RHOA: variants seen among roughly 807,000 people sequenced by gnomAD.
RHOA encodes the protein ras homolog family member A.
RHOA carries 3 observed loss-of-function variants against 17.5 expected under a neutral mutation model. The ratio of observed to expected loss-of-function variants is 0.17; its 90% CI spans 0.08 to 0.44. RHOA has a LOEUF of 0.44. Among genes scored for constraint, RHOA ranks in the 20% least tolerant of loss-of-function variants. The pLI is 0.99. For missense variants in RHOA, 56 were observed against 242.3 expected (o/e 0.23, Z 5.10); for synonymous variants, 98 against 88.4 (o/e 1.11, Z -0.61).
intron 1 of RHOA, among the ~76,000 whole-genome samples, chr3:49,398,203 T>C (rs2048651446): frequency 1.3e-5 from 2 of 151,436 alleles, no homozygotes; most frequent in South Asian, 4.2e-4. Context: ...TCTACTAAAG[T>C]AGCCAAGTGT....
chr3:49,393,655 C>T (rs2048552068), intron 1 of RHOA, among the ~76,000 whole-genome samples: 1 of 4,614 alleles, frequency 2.2e-4, no homozygotes, highest in Non-Finnish European at 4.9e-3. Flanking sequence ...GACCACAGGT[C>T]CCTTGTCTCA....
intron 1 of RHOA, among the ~76,000 whole-genome samples, chr3:49,386,062 C>T (rs1411388454): frequency 6.6e-6 from 1 of 151,996 alleles, no homozygotes; most frequent in Non-Finnish European, 1.5e-5. Context: ...TTCTGGGTCC[C>T]CTGAATTTTG....
chr3:49,376,138 G>T (rs1442987224), intron 1 of RHOA, among the ~76,000 whole-genome samples: 1 of 152,002 alleles, frequency 6.6e-6, no homozygotes. Flanking sequence ...ACCACGCCTG[G>T]CCTGTTCTTG....
chr3:49,362,634 A>C lies in RHOA; in HGVS notation c.278-8T>G. On this transcript the variant is annotated splice_region_variant and splice_polypyrimidine_tract_variant and intron_variant, in intron 3 of 4. Transcript: ENST00000418115. ...ACTTTTCTGGGATGTTTTCTGAAAG[A>C]AAAATGTAGAGAATTTGGGGATACA... is the stretch of plus-strand genomic sequence containing the variant. 1 of 1,606,896 alleles carries C rather than the reference A, an allele frequency of 6.2e-7. No homozygotes were observed. The highest frequency in any genetic ancestry group is 8.5e-7 in the Non-Finnish European group (1 of 1,176,434).
intron 2 of RHOA, among the ~76,000 whole-genome samples, chr3:49,372,367 C>T (rs777489178): frequency 6.6e-6 from 1 of 152,124 alleles, no homozygotes. Flanking sequence ...TCCATCTATA[C>T]TTGGGCCAGA....
intron 1 of RHOA, among the ~76,000 whole-genome samples, chr3:49,408,397 A>G (rs2048876193): frequency 1.3e-5 from 2 of 152,244 alleles, no homozygotes; most frequent in Non-Finnish European, 2.9e-5. Context: ...ATTGCAATTT[A>G]GCAAGAGTAT....
chr3:49,393,670 C>CTGTG (rs2048553811), intron 1 of RHOA, among the ~76,000 whole-genome samples: 12 of 97,240 alleles, frequency 1.2e-4, no homozygotes, highest in Non-Finnish European at 2.0e-4. Context: ...GTCTCAAATT[C>CTGTG]TCTCTCTGTG....
At chr3:49,383,147 C>T (rs2048343927) in intron 1 of RHOA, among the ~76,000 whole-genome samples, 2 of 152,088 alleles carry the variant, frequency 1.3e-5, no homozygotes, top group African/African-American at 4.8e-5. Flanking sequence ...GAAATAATCT[C>T]TTTCGGCCAG....
In RHOA at chr3:49,360,154, T is replaced by A; in HGVS notation, c.*55A>T. On this transcript the variant is annotated 3_prime_UTR_variant, in exon 5 of 5. Coordinates refer to ENST00000418115, the MANE Select transcript of RHOA (RefSeq NM_001664.4). Reference sequence around the variant, plus strand: ...AAAGGCCAGTAATCATACACTAAGATTAATAAACAGCACTTCAAAATTAAC... The same window carrying A: ...AAAGGCCAGTAATCATACACTAAGAATAATAAACAGCACTTCAAAATTAAC... The A allele has an allele frequency of 2.0e-6, 3 of 1,526,222 alleles. No homozygotes were observed. The highest frequency in any genetic ancestry group is 2.7e-6 in the Non-Finnish European group (3 of 1,125,976). 94.5% of individuals were successfully genotyped at this position (1,526,222 alleles called of 1,614,324 possible).
intron 1 of RHOA, among the ~76,000 whole-genome samples, chr3:49,382,427 G>C (rs1307002719): frequency 2.0e-5 from 3 of 152,056 alleles, no homozygotes; most frequent in Non-Finnish European, 4.4e-5. Flanking sequence ...TTGAGCCTAA[G>C]AGTTGGAGAC....
intron 1 of RHOA, among the ~76,000 whole-genome samples, chr3:49,384,388 G>A (rs750596242): frequency 1.7e-4 from 26 of 152,146 alleles, no homozygotes; most frequent in Non-Finnish European, 3.8e-4. Context: ...CATTTTCCAG[G>A]CTAGGTTTAG....
At chr3:49,403,389 T>C (rs2048759992) in intron 1 of RHOA, among the ~76,000 whole-genome samples, 1 of 152,036 alleles carries the variant, frequency 6.6e-6, no homozygotes, top group African/African-American at 2.4e-5. Flanking sequence ...CTCGACTGAG[T>C]GGCAATTACT....
chr3:49,393,670 CTCTCTCTG>C (rs1553634981), intron 1 of RHOA, among the ~76,000 whole-genome samples: 8,171 of 97,104 alleles, frequency 0.084, 575 homozygotes, highest in Middle Eastern at 0.14. Flanking sequence ...GTCTCAAATT[CTCTCTCTG>C]TGTGTGTGTG....
At chr3:49,393,149 C>A (rs189669069) in intron 1 of RHOA, among the ~76,000 whole-genome samples, 2 of 152,196 alleles carry the variant, frequency 1.3e-5, no homozygotes, top group Admixed American at 1.3e-4. Context: ...CCAGCCTCGG[C>A]AACAGAGCAA....
Position 49,411,811 on chromosome 3 carries a change from TC to T in RHOA, c.-3+8del, listed in dbSNP as rs899189355. ...CCCCGCGGCGCCTGGAGGGAACCCT[TC>T]CGCTCACCTCAGGCAACGAATCCGA... On this transcript the variant is annotated splice_region_variant and intron_variant, in intron 1 of 4. Transcript: ENST00000418115. 14 of 151,852 alleles carry T rather than the reference TC, an allele frequency of 9.2e-5. No homozygotes were observed. The highest frequency in any genetic ancestry group is 2.9e-5 in the Non-Finnish European group (2 of 67,920). The allele number at this position is 151,852 out of a possible 1,614,324, so 9.4% of individuals were successfully genotyped here. A position where few individuals can be genotyped will look rare whatever the true frequency, so the allele number is the denominator to read the frequency against.
intron 4 of RHOA, chr3:49,360,899 C>G: frequency 3.0e-6 from 1 of 338,500 alleles, no homozygotes; most frequent in Non-Finnish European, 5.9e-6. Context: ...CATGGTGAAA[C>G]CCCTCTTTAC....
intron 1 of RHOA, among the ~76,000 whole-genome samples, chr3:49,386,287 T>C (rs2048393652): frequency 6.6e-6 from 1 of 152,158 alleles, no homozygotes; most frequent in African/African-American, 2.4e-5. Flanking sequence ...TCCTTATACT[T>C]AGAACCACAG....
chr3:49,368,458 A>C lies in RHOA; in HGVS notation c.247T>G (p.Cys83Gly). Residue 83 changes from cysteine (C) to glycine (G), a missense_variant, in exon 3 of 5, where the codon TGT (cysteine) becomes GGT (glycine). Physicochemically the swap from Cys to Gly is radical, Grantham distance 159. Around this residue, in one of 2 missense-constraint regions of RHOA, gnomAD observed 17 missense variants for 156.3 expected, o/e 0.11. Coordinates refer to ENST00000418115, the MANE Select transcript of RHOA (RefSeq NM_001664.4). ...SYPDTDVILM[C>G]FSIDSPDSLE... ...CTATCAGGGCTGTCGATGGAAAAAC[A>C]CATCAGTATAACATCGGTATCTGGG... 6.2e-7 allele frequency: 1 copy of C among 1,614,084 alleles called. No homozygotes were observed. Among genetic ancestry groups the C allele is most frequent in the Non-Finnish European group, 8.5e-7 (1 of 1,179,976 alleles).
intron 4 of RHOA, among the ~76,000 whole-genome samples, 199 bp from the exon 5 acceptor site, chr3:49,360,581 C>T (rs2047950642): frequency 1.3e-5 from 2 of 152,026 alleles, no homozygotes; most frequent in Non-Finnish European, 2.9e-5. Flanking sequence ...GATTCTCCCG[C>T]CTCAGCCTCC....
Sources: gnomAD v4.1 joint callset for allele counts (sites outside exome capture counted in the v4.1 genomes callset) on GRCh38, gnomAD v4.1.1 for gene constraint, gnomAD v4.1.1 regional missense constraint, MANE v1.5 for transcripts, NCBI Gene and HGNC (gene_info 2026-07-23, HGNC 2026-07-21) for gene names.